Variants in ESRRG observed in about 807,000 individuals in gnomAD.
ESRRG encodes estrogen related receptor gamma, also known as estrogen-related receptor gamma.
In ESRRG, 13 loss-of-function variants were observed where a neutral mutation model predicts 44.0. The observed-to-expected ratio is 0.30, with a 90% CI of 0.19 to 0.47. The LOEUF (loss-of-function observed/expected upper bound fraction) is 0.47, where lower values mean the gene tolerates loss of function less well. Ranked by LOEUF, ESRRG falls within the 20% of genes least tolerant of loss-of-function variation. The pLI is 1.00. For synonymous variants in ESRRG, 215 were observed against 214.6 expected, an observed-to-expected ratio of 1.00 and a Z score of -0.02; for missense variants, 395 against 580.6, an observed-to-expected ratio of 0.68 and a Z score of 3.29.
intron 2 of ESRRG, 42 bp from the exon 3 acceptor site, chr1:216,651,131 T>G: frequency 7.8e-7 from 1 of 1,281,920 alleles, no homozygotes; most frequent in Non-Finnish European, 1.1e-6. Context: ...ATTTACAAGA[T>G]CCAGGAAACA....
chr1:217,127,823 A>C (rs2092911394), intron 1 of ESRRG, among the ~76,000 whole-genome samples: 1 of 152,268 alleles, frequency 6.6e-6, no homozygotes, highest in South Asian at 2.1e-4. Context: ...AGAATGTAAG[A>C]GCTACGTTAA....
At chr1:217,104,099 C>T (rs987606725) in intron 1 of ESRRG, among the ~76,000 whole-genome samples, 6 of 152,176 alleles carry the variant, frequency 3.9e-5, no homozygotes, top group Non-Finnish European at 8.8e-5. Flanking sequence ...TAATGTTGCT[C>T]TTCCCTCAGC....
At chr1:217,104,914 TG>T (rs796765705) in intron 1 of ESRRG, among the ~76,000 whole-genome samples, 4 of 152,330 alleles carry the variant, frequency 2.6e-5, no homozygotes, top group African/African-American at 9.6e-5. Flanking sequence ...TAACAAATCT[TG>T]GGGAAAGTTC....
At chr1:216,986,671 G>A (rs1234464800) in intron 1 of ESRRG, among the ~76,000 whole-genome samples, 4 of 152,126 alleles carry the variant, frequency 2.6e-5, no homozygotes, top group African/African-American at 9.6e-5. Flanking sequence ...AGATTGCAGT[G>A]AGCCAATATC....
At chr1:216,894,524 T>C (rs2058188369) in intron 2 of ESRRG, among the ~76,000 whole-genome samples, 2 of 152,128 alleles carry the variant, frequency 1.3e-5, no homozygotes, top group South Asian at 4.2e-4. Context: ...CTTGGTGGCA[T>C]CTAATCTCTT....
At chr1:216,671,452 G>C (rs2075159237) in intron 2 of ESRRG, among the ~76,000 whole-genome samples, 1 of 152,156 alleles carries the variant, frequency 6.6e-6, no homozygotes, top group Admixed American at 6.5e-5. Context: ...TTAGCATCAA[G>C]GATAACTCTG....
intron 1 of ESRRG, among the ~76,000 whole-genome samples, chr1:216,991,802 C>A (rs17041526): frequency 0.025 from 3,747 of 152,192 alleles, 152 homozygotes; most frequent in African/African-American, 0.084. Flanking sequence ...TGTTTGGTCC[C>A]AATGTAAACT....
chr1:216,929,168 T>C (rs1341202148), intron 2 of ESRRG, among the ~76,000 whole-genome samples: 1 of 152,202 alleles, frequency 6.6e-6, no homozygotes, highest in African/African-American at 2.4e-5. Flanking sequence ...TGAATGTGAA[T>C]GTTCAAGTCA....
intron 1 of ESRRG, chr1:216,714,410 G>A (rs573297468): frequency 6.2e-6 from 1 of 160,490 alleles, no homozygotes; most frequent in African/African-American, 2.4e-5. Flanking sequence ...AAGTGTTTTA[G>A]AACTTAGCAG....
At chr1:217,088,972 G>C (rs1465520921) in intron 1 of ESRRG, among the ~76,000 whole-genome samples, 1 of 152,112 alleles carries the variant, frequency 6.6e-6, no homozygotes, top group Non-Finnish European at 1.5e-5. Flanking sequence ...GGGTTGGGGA[G>C]AGAGAAGGGA....
At chr1:216,749,172 A>G (rs1451063869) in intron 2 of ESRRG, among the ~76,000 whole-genome samples, 1 of 150,710 alleles carries the variant, frequency 6.6e-6, no homozygotes, top group Non-Finnish European at 1.5e-5. Context: ...CTGTTATGCC[A>G]TCACTTAAGG....
intron 2 of ESRRG, among the ~76,000 whole-genome samples, chr1:216,911,939 G>GTGA (rs1361096992): frequency 4.6e-5 from 7 of 151,330 alleles, no homozygotes; most frequent in Non-Finnish European, 8.8e-5. Context: ...GCTGGGTGTG[G>GTGA]TGATGTGCAC....
chr1:216,702,608 CA>C (rs61361041), intron 1 of ESRRG, among the ~76,000 whole-genome samples: 17,480 of 132,268 alleles, frequency 0.13, 1,275 homozygotes, highest in Middle Eastern at 0.21. Flanking sequence ...ACTAAAAATA[CA>C]AAAAAAAAAA....
intron 3 of ESRRG, among the ~76,000 whole-genome samples, chr1:216,632,104 C>T (rs1293571165): frequency 6.6e-6 from 1 of 152,212 alleles, no homozygotes; most frequent in Non-Finnish European, 1.5e-5. Flanking sequence ...AAAACACATA[C>T]TCTATCCAGT....
chr1:217,072,028 G>T (rs1049084873), intron 1 of ESRRG, among the ~76,000 whole-genome samples: 10 of 152,182 alleles, frequency 6.6e-5, no homozygotes, highest in African/African-American at 1.9e-4. Flanking sequence ...GCCTGCTGAT[G>T]ATTTTCTTTT....
At chr1:216,678,638 A>G (rs114354219) in intron 1 of ESRRG, among the ~76,000 whole-genome samples, 3,267 of 152,264 alleles carry the variant, frequency 0.021, 114 homozygotes, top group African/African-American at 0.075. Context: ...GAAAAGATAT[A>G]ATTGGTCCTA....
chr1:217,125,765 G>T (rs1223062319), intron 1 of ESRRG, among the ~76,000 whole-genome samples: 1 of 151,914 alleles, frequency 6.6e-6, no homozygotes, highest in Non-Finnish European at 1.5e-5. Context: ...AAAATATGTT[G>T]GTATTTATTA....
At chr1:216,905,105 T>A (rs1367877580) in intron 2 of ESRRG, among the ~76,000 whole-genome samples, 1 of 152,174 alleles carries the variant, frequency 6.6e-6, no homozygotes, top group African/African-American at 2.4e-5. Flanking sequence ...CAAGGAATAC[T>A]ACAGGGACGG....
At chr1:216,944,138 T>C (rs1478043195) in intron 1 of ESRRG, among the ~76,000 whole-genome samples, 1 of 152,132 alleles carries the variant, frequency 6.6e-6, no homozygotes, top group Admixed American at 6.6e-5. Flanking sequence ...TAAACTGAGG[T>C]CAAGCATATA....
Sources: gnomAD v4.1 joint callset for allele counts (sites outside exome capture counted in the v4.1 genomes callset) on GRCh38, gnomAD v4.1.1 for gene constraint, MANE v1.5 for transcripts, NCBI Gene and HGNC (gene_info 2026-07-23, HGNC 2026-07-21) for gene names.